Variants in MIR2052HG observed in about 807,000 individuals in gnomAD.
The protein encoded by MIR2052HG is MIR2052 host gene.
At chr8:74,733,145 T>A (rs534700896) in intron 4 of MIR2052HG, among the ~76,000 whole-genome samples, 4 of 152,180 alleles carry the variant, frequency 2.6e-5, no homozygotes, top group African/African-American at 9.6e-5. Context: ...GTTAGTTACA[T>A]ATGTATACAT....
intron 4 of MIR2052HG, among the ~76,000 whole-genome samples, chr8:74,704,969 A>G (rs2128741173): frequency 6.6e-6 from 1 of 152,204 alleles, no homozygotes; most frequent in Non-Finnish European, 1.5e-5. Flanking sequence ...GCTCTAAAGC[A>G]TAGGGCCACA....
chr8:74,703,950 A>C (rs1809382916), intron 4 of MIR2052HG, among the ~76,000 whole-genome samples: 1 of 152,020 alleles, frequency 6.6e-6, no homozygotes, highest in South Asian at 2.1e-4. Context: ...GGAATTTAGT[A>C]ATTTATCAGA....
At chr8:74,640,744 C>A (rs190204354) in intron 2 of MIR2052HG, among the ~76,000 whole-genome samples, 1 of 151,952 alleles carries the variant, frequency 6.6e-6, no homozygotes, top group Admixed American at 6.6e-5. Context: ...CCATAAACAT[C>A]GTCCTTTTTA....
chr8:74,655,096 C>T (rs1337027366), intron 2 of MIR2052HG, among the ~76,000 whole-genome samples: 1 of 152,176 alleles, frequency 6.6e-6, no homozygotes, highest in East Asian at 1.9e-4. Flanking sequence ...TTTAGGGTAT[C>T]TGGTGAAAGA....
intron 4 of MIR2052HG, among the ~76,000 whole-genome samples, chr8:74,743,520 A>G (rs1313637389): frequency 6.6e-6 from 1 of 152,238 alleles, no homozygotes. Context: ...AGAGTCTTTC[A>G]TAAAACACAA....
At chr8:74,602,817 G>GTTTCTTTCTTTCTTTCCTTCTTTCTTTC (rs1808023907) in intron 1 of MIR2052HG, among the ~76,000 whole-genome samples, 1 of 73,786 alleles carries the variant, frequency 1.4e-5, no homozygotes, top group Non-Finnish European at 2.5e-5. Context: ...GCCCGGCCGT[G>GTTTCTTTCTTTCTTTCCTTCTTTCTTTC]TTTCTTTCTT....
At chr8:74,623,322 G>T (rs1808390890) in intron 2 of MIR2052HG, among the ~76,000 whole-genome samples, 1 of 152,286 alleles carries the variant, frequency 6.6e-6, no homozygotes, top group Admixed American at 6.5e-5. Flanking sequence ...AGGTGGGGGT[G>T]ACAATTGGGG....
chr8:74,703,960 A>G (rs1809382983), intron 4 of MIR2052HG, among the ~76,000 whole-genome samples: 1 of 152,030 alleles, frequency 6.6e-6, no homozygotes, highest in East Asian at 1.9e-4. Flanking sequence ...AATTTATCAG[A>G]CTATGGATTG....
chr8:74,621,303 C>T (rs1808358242), intron 2 of MIR2052HG, among the ~76,000 whole-genome samples: 1 of 152,194 alleles, frequency 6.6e-6, no homozygotes, highest in Non-Finnish European at 1.5e-5. Flanking sequence ...GTGCTTGTTA[C>T]CCAGTTCTAA....
At chr8:74,630,350 A>G (rs1004747464) in intron 2 of MIR2052HG, among the ~76,000 whole-genome samples, 1 of 152,090 alleles carries the variant, frequency 6.6e-6, no homozygotes, top group African/African-American at 2.4e-5. Flanking sequence ...TTGGGGCAAG[A>G]GACAAGTCAG....
chr8:74,708,412 A>G (rs1394987536), intron 4 of MIR2052HG, among the ~76,000 whole-genome samples: 3 of 152,144 alleles, frequency 2.0e-5, no homozygotes, highest in East Asian at 1.9e-4. Flanking sequence ...CAACTTGTCA[A>G]TGAAGCCAAA....
At chr8:74,673,887 G>GTATGTATATATATATATA (rs1554575298) in intron 2 of MIR2052HG, among the ~76,000 whole-genome samples, 1 of 121,702 alleles carries the variant, frequency 8.2e-6, no homozygotes, top group Non-Finnish European at 1.6e-5. Context: ...GTATTTTTTT[G>GTATGTATATATATATATA]TATATATATA....
chr8:74,623,497 CT>C lies in MIR2052HG; in HGVS notation n.216+10559del, dbSNP rs151135169. 2.5e-3 allele frequency among the ~76,000 whole-genome samples: 379 copies of C among 152,168 alleles called. 1 individual carries two copies. The highest frequency in any genetic ancestry group is 7.7e-3 in the African/African-American group (320 of 41,502). On this transcript the variant is annotated intron_variant and non_coding_transcript_variant, in intron 2 of 6. Coordinates refer to ENST00000523442, the Ensembl canonical transcript of MIR2052HG. ...AGGCAGGAACGTCAACTGTTCAGAA[CT>C]TAAAGATCATGATAAAATGTGTTTT...
At chr8:74,675,069 A>G (rs1362032745) in intron 2 of MIR2052HG, among the ~76,000 whole-genome samples, 1 of 152,092 alleles carries the variant, frequency 6.6e-6, no homozygotes, top group Non-Finnish European at 1.5e-5. Context: ...GAACAAATTT[A>G]CTGAAAACCT....
chr8:74,733,302 A>G (rs1049830696), intron 4 of MIR2052HG, among the ~76,000 whole-genome samples: 1 of 151,934 alleles, frequency 6.6e-6, no homozygotes, highest in Non-Finnish European at 1.5e-5. Flanking sequence ...TCATTATTCA[A>G]TTCCCACCTA....
chr8:74,623,624 AC>A (rs1289424833), intron 2 of MIR2052HG, among the ~76,000 whole-genome samples: 2 of 152,230 alleles, frequency 1.3e-5, no homozygotes, highest in Non-Finnish European at 2.9e-5. Context: ...TCAGGTACTA[AC>A]ATAAAACTTG....
chr8:74,683,696 C>G lies in MIR2052HG; in HGVS notation n.217-18683C>G, dbSNP rs150009514. Among the ~76,000 whole-genome samples, 26 of 152,012 alleles carry G rather than the reference C, an allele frequency of 1.7e-4. 1 individual carries two copies. The East Asian group carries it at 4.6e-3, about 27-fold the overall frequency. ...ATGTTCTGTTTTTATTCCTTCTCTC[C>G]CCAGAGAAAACACCTAAGGGCTGTG... On this transcript the variant is annotated intron_variant and non_coding_transcript_variant, in intron 2 of 6. Transcript: ENST00000523442.
chr8:74,658,983 T>A (rs2128736798), intron 2 of MIR2052HG, among the ~76,000 whole-genome samples: 1 of 152,354 alleles, frequency 6.6e-6, no homozygotes, highest in Non-Finnish European at 1.5e-5. Context: ...CTTACCCAAA[T>A]GAGCTTCTCT....
intron 1 of MIR2052HG, among the ~76,000 whole-genome samples, chr8:74,606,599 A>C (rs906080981): frequency 3.3e-5 from 5 of 152,228 alleles, no homozygotes; most frequent in African/African-American, 1.2e-4. Flanking sequence ...AATTTATACA[A>C]TAGTTCTCAC....
Sources: gnomAD v4.1 joint callset for allele counts (sites outside exome capture counted in the v4.1 genomes callset) on GRCh38, gnomAD v4.1.1 for gene constraint, MANE v1.5 for transcripts, NCBI Gene and HGNC (gene_info 2026-07-23, HGNC 2026-07-21) for gene names.